Variants in TMEM131 observed in about 807,000 individuals in gnomAD.
TMEM131 encodes transmembrane protein 131.
TMEM131 carries 66 observed loss-of-function variants against 211.6 expected under a neutral mutation model. The observed-to-expected ratio is 0.31, with a 90% CI of 0.26 to 0.38. TMEM131 has a LOEUF of 0.38. Ranked by LOEUF, TMEM131 falls within the 10% of genes least tolerant of loss-of-function variation. The probability of loss-of-function intolerance (pLI) is 1.00; values close to 1 mark genes in which losing one functional copy is unlikely to be tolerated. For synonymous variants in TMEM131, 844 were observed against 841.3 expected (o/e 1.00, Z -0.06); for missense variants, 2,036 against 2,299.3 (o/e 0.89, Z 2.34).
intron 1 of TMEM131, among the ~76,000 whole-genome samples, chr2:97,944,026 G>C (rs1421243641): frequency 6.6e-6 from 1 of 152,122 alleles, no homozygotes; most frequent in Non-Finnish European, 1.5e-5. Flanking sequence ...AGGTGGCAGT[G>C]AGCCAAGATT....
At chr2:97,989,153 C>T (rs1680155465) in intron 1 of TMEM131, among the ~76,000 whole-genome samples, 1 of 151,554 alleles carries the variant, frequency 6.6e-6, no homozygotes, top group Non-Finnish European at 1.5e-5. Context: ...AGAAAACAGG[C>T]TATTTAAATA....
chr2:97,955,274 CTCA>C (rs563369412), intron 1 of TMEM131, among the ~76,000 whole-genome samples: 102 of 152,128 alleles, frequency 6.7e-4, no homozygotes, highest in Non-Finnish European at 1.1e-3. Context: ...AATCCAACAT[CTCA>C]TCATGATACA....
At position 97,762,081 on chromosome 2, in the gene TMEM131, C is replaced by T. The variant is rs1188218614; in HGVS notation, c.4843G>A (p.Val1615Met). 6.2e-7 allele frequency: 1 copy of T among 1,604,372 alleles called. No individual in the cohort carries two copies. The highest frequency in any genetic ancestry group is 1.3e-5 in the African/African-American group (1 of 74,094). ...PSPPAAPCPF[V>M]ARGSYSSIVN... ...ATGCTGCTGTAGCTGCCCCGGGCCA[C>T]AAAGGGGCAGGGGGCAGCTGGGGGA... Residue 1615 changes from valine to methionine, a missense_variant, in exon 36 of 41, where the codon GTG (valine) becomes ATG (methionine). Val to Met is a conservative substitution (Grantham distance 21, BLOSUM62 1). Around this residue, in one of 3 missense-constraint regions of TMEM131, gnomAD observed 1,623 missense variants for 1,805.9 expected, o/e 0.90. Transcript: ENST00000186436.
intron 11 of TMEM131, among the ~76,000 whole-genome samples, chr2:97,830,996 G>A (rs1682655103): frequency 6.6e-6 from 1 of 152,228 alleles, no homozygotes; most frequent in Non-Finnish European, 1.5e-5. Context: ...GGTGAATTAT[G>A]CAGAAAATGC....
intron 5 of TMEM131, among the ~76,000 whole-genome samples, chr2:97,848,626 T>A (rs1212184997): frequency 6.6e-6 from 1 of 151,666 alleles, no homozygotes; most frequent in African/African-American, 2.4e-5. Flanking sequence ...GAAGCACTAT[T>A]TTTTTTTTCT....
chr2:97,759,494 G>A (rs1320523439), intron 39 of TMEM131, 158 bp downstream of exon 39: 5 of 628,148 alleles, frequency 8.0e-6, no homozygotes, highest in South Asian at 3.9e-5. Context: ...TGGTGTGGAT[G>A]AGGGAGGAAG....
At chr2:97,908,227 G>C (rs1197146469) in intron 3 of TMEM131, among the ~76,000 whole-genome samples, 1 of 152,176 alleles carries the variant, frequency 6.6e-6, no homozygotes. Context: ...TCACAGGGAA[G>C]CTGTATTTAA....
chr2:97,878,463 A>G (rs995406314), intron 4 of TMEM131, among the ~76,000 whole-genome samples: 3 of 152,210 alleles, frequency 2.0e-5, no homozygotes, highest in Admixed American at 6.5e-5. Context: ...ATGTCCATCA[A>G]TAGGCTGGAT....
intron 22 of TMEM131, among the ~76,000 whole-genome samples, chr2:97,804,068 G>A (rs1462611969): frequency 1.3e-5 from 2 of 152,094 alleles, no homozygotes; most frequent in Non-Finnish European, 2.9e-5. Flanking sequence ...ATTATTAATG[G>A]TTTGAGAATT....
At chr2:97,995,370 T>C (rs2279825) in intron 1 of TMEM131, 106 bp downstream of exon 1, 869,366 of 1,160,116 alleles carry the variant, frequency 0.75, 333,526 homozygotes, top group African/African-American at 0.87. Context: ...CGCCCAACTT[T>C]GCGCCGGAGC....
intron 32 of TMEM131, among the ~76,000 whole-genome samples, chr2:97,772,671 G>A (rs562225102): frequency 4.4e-4 from 67 of 152,222 alleles, no homozygotes; most frequent in Non-Finnish European, 8.5e-4. Flanking sequence ...CGAGGCAGGT[G>A]GATTGCCTGA....
intron 2 of TMEM131, chr2:97,911,706 T>C: frequency 9.3e-6 from 9 of 969,570 alleles, no homozygotes; most frequent in Non-Finnish European, 1.1e-5. Flanking sequence ...AGAAAATAAA[T>C]ATTGTTTTTG....
rs753843134 is a variant in TMEM131 at position 97,814,160 on chromosome 2, G to GA, written c.1447-20dup. On this transcript the variant is annotated intron_variant, in intron 14 of 40. Coordinates refer to ENST00000186436, the MANE Select transcript of TMEM131 (RefSeq NM_015348.2). ...TGTGAACCTGAGAAATGACAGAAGA[G>GA]AAAAAAAACAAAGTGTCAGCATCAC... is the stretch of plus-strand genomic sequence containing the variant. The GA allele has an allele frequency of 3.2e-5, 52 of 1,609,484 alleles. No homozygotes were observed. The highest frequency in any genetic ancestry group is 3.6e-5 in the Non-Finnish European group (42 of 1,178,046).
In TMEM131 at chr2:97,758,991, C is replaced by T. The variant is rs769247078; in HGVS notation, c.5269G>A (p.Glu1757Lys). ...CNQASQRSWN[E>K]FNSGPSYLWE... Reference sequence around the variant, plus strand: ...AGGTATGAAGGGCCACTATTAAACTCGTTCCAGCTCCTCTGTGAGGCCTGA... The same window carrying T: ...AGGTATGAAGGGCCACTATTAAACTTGTTCCAGCTCCTCTGTGAGGCCTGA... Residue 1757 changes from glutamate to lysine, a missense_variant, in exon 40 of 41, where the codon GAG (glutamate) becomes AAG (lysine). Around this residue, in one of 3 missense-constraint regions of TMEM131, gnomAD observed 1,623 missense variants for 1,805.9 expected, o/e 0.90. Coordinates refer to ENST00000186436, the MANE Select transcript of TMEM131 (RefSeq NM_015348.2). The T allele has an allele frequency of 5.0e-6, 8 of 1,614,006 alleles. No individual in the cohort carries two copies. Among genetic ancestry groups the T allele is most frequent in the Admixed American group, 1.7e-5 (1 of 60,032 alleles).
intron 31 of TMEM131, among the ~76,000 whole-genome samples, chr2:97,780,608 C>G (rs1481952049): frequency 6.6e-6 from 1 of 152,180 alleles, no homozygotes; most frequent in Non-Finnish European, 1.5e-5. Flanking sequence ...CTAACTCTTC[C>G]ATATGCTCCA....
At chr2:97,803,070 C>T (rs1282247735) in intron 22 of TMEM131, among the ~76,000 whole-genome samples, 2 of 152,100 alleles carry the variant, frequency 1.3e-5, no homozygotes, top group South Asian at 4.1e-4. Flanking sequence ...AATGTAATCC[C>T]GCGTAAGTTT....
intron 5 of TMEM131, among the ~76,000 whole-genome samples, chr2:97,852,309 A>G (rs1049670220): frequency 6.6e-6 from 1 of 151,940 alleles, no homozygotes; most frequent in African/African-American, 2.4e-5. Flanking sequence ...TTATAGGTGC[A>G]CACCACCACA....
chr2:97,770,479 T>C (rs780626235), intron 33 of TMEM131, among the ~76,000 whole-genome samples: 4 of 152,240 alleles, frequency 2.6e-5, no homozygotes, highest in Non-Finnish European at 5.9e-5. Context: ...GCACCGGTTA[T>C]TGCTATAACT....
intron 5 of TMEM131, among the ~76,000 whole-genome samples, chr2:97,854,669 G>C (rs977011747): frequency 6.6e-6 from 1 of 152,174 alleles, no homozygotes; most frequent in African/African-American, 2.4e-5. Context: ...ACCATAGTTT[G>C]TAAGACCCTT....
Sources: gnomAD v4.1 joint callset for allele counts (sites outside exome capture counted in the v4.1 genomes callset) on GRCh38, gnomAD v4.1.1 for gene constraint, gnomAD v4.1.1 regional missense constraint, MANE v1.5 for transcripts, NCBI Gene and HGNC (gene_info 2026-07-23, HGNC 2026-07-21) for gene names.